AGFG2: variants seen among roughly 807,000 people sequenced by gnomAD.
AGFG2 encodes arf-GAP domain and FG repeat-containing protein 2.
In AGFG2, 31 loss-of-function variants were observed where a neutral mutation model predicts 48.0. The observed-to-expected ratio is 0.65, with a 90% CI of 0.49 to 0.87. The LOEUF is 0.87. Among genes scored for constraint, AGFG2 ranks in the 40% least tolerant of loss-of-function variants. The pLI is 0.00. For synonymous variants in AGFG2, 229 were observed against 260.8 expected (o/e 0.88, Z 1.18); for missense variants, 599 against 632.6 (o/e 0.95, Z 0.57).
chr7:100,548,839 C>T lies in AGFG2; in HGVS notation c.239C>T (p.Pro80Leu), dbSNP rs1359785937. ...CSGLLRGLNP[P>L]HRVKSISMTT... ...TCCCATAGGAGAGGGCTGAACCCCC[C>T]TCATCGTGTCAAGTCAATCTCCATG... The change falls in exon 2 of 12, where the codon CCT becomes CTT. Residue 80 changes from proline (P) to leucine (L), a missense_variant. By Grantham distance (98) the Pro-to-Leu change is moderately conservative. Transcript: ENST00000300176. 6 of 1,613,412 alleles carry T rather than the reference C, an allele frequency of 3.7e-6. No individual in the cohort carries two copies. The highest frequency in any genetic ancestry group is 5.1e-6 in the Non-Finnish European group (6 of 1,179,630).
At chr7:100,553,559 T>C in intron 4 of AGFG2, 59 bp downstream of exon 4, 1 of 1,549,416 alleles carries the variant, frequency 6.5e-7, no homozygotes, top group East Asian at 2.3e-5. Context: ...GGAGTGTCAG[T>C]TTCCTGAATC....
Position 100,564,420 on chromosome 7 carries a change from G to A in AGFG2, c.1386+117G>A, listed in dbSNP as rs558241130. ...GTGCCCCTTCCTCGTGAAGGTCTGC[G>A]TTGTCCAAGCCAGGGCTGAGCTTGG... is the stretch of plus-strand genomic sequence containing the variant. On this transcript the variant is annotated intron_variant, in intron 11 of 11. Coordinates refer to ENST00000300176, the MANE Select transcript of AGFG2 (RefSeq NM_006076.5). The A allele has an allele frequency of 2.2e-4, 239 of 1,095,926 alleles. No individual in the cohort carries two copies. The African/African-American group carries it at 3.2e-3, about 15-fold the overall frequency. 67.9% of individuals were successfully genotyped at this position (1,095,926 alleles called of 1,614,324 possible). A position where few individuals can be genotyped will look rare whatever the true frequency, so the allele number is the denominator to read the frequency against.
rs764745932 is a variant in AGFG2, at chr7:100,562,324, G to A, written c.943G>A (p.Ala315Thr). 5.6e-6 allele frequency: 9 copies of A among 1,613,962 alleles called. No homozygotes were observed. The highest frequency in any genetic ancestry group is 3.3e-5 in the Admixed American group (2 of 59,994). ...LAPASQPNSL[A>T]DVGSFLGPGV... ...ACCCGCCAGTCAGCCAAACAGCCTC[G>A]CAGACGTGGGCAGCTTCCTGGGACC... The change falls in exon 7 of 12, where the codon GCA becomes ACA. Residue 315 changes from alanine to threonine, a missense_variant. By Grantham distance (58) the Ala-to-Thr change is moderately conservative (BLOSUM62 0). Transcript: ENST00000300176. The surrounding 1 kb of genome is among the most constrained non-coding windows in gnomAD (Gnocchi z 5.4).
intron 4 of AGFG2, among the ~76,000 whole-genome samples, chr7:100,553,737 A>G (rs995690121): frequency 3.9e-5 from 6 of 152,208 alleles, no homozygotes; most frequent in Admixed American, 2.6e-4. Context: ...TCCAAACCTG[A>G]GCATTCCATC....
rs1381394314 is a variant in AGFG2 at position 100,551,027 on chromosome 7, AATTTATATATATATATATATAT to A, written c.431+519_431+540del. On this transcript the variant is annotated intron_variant, in intron 3 of 11. Transcript: ENST00000300176. ...CAGGTGTGTGCCACCATGCCTGGCT[AATTTATATATATATATATATAT>A]ATATATATATATATATATTTCTTTT... Among the ~76,000 whole-genome samples the A allele has an allele frequency of 8.7e-5, 4 of 46,060 alleles. No homozygotes were observed. In the Admixed American group the frequency reaches 1.1e-3, roughly 13 times the overall value. 30.2% of individuals were successfully genotyped at this position (46,060 alleles called of 152,430 possible).
At chr7:100,548,067 T>C (rs1800547810) in intron 1 of AGFG2, among the ~76,000 whole-genome samples, 1 of 152,120 alleles carries the variant, frequency 6.6e-6, no homozygotes, top group African/African-American at 2.4e-5. Flanking sequence ...CCCTGGGACC[T>C]TGGGGATGGG....
rs1009441397 is a variant in AGFG2, at chr7:100,539,259, G to A, written c.-88G>A. 3 of 1,232,832 alleles carry A rather than the reference G, an allele frequency of 2.4e-6. No individual in the cohort carries two copies. Among genetic ancestry groups the A allele is most frequent in the Admixed American group, 4.2e-5 (1 of 23,918 alleles). The allele number at this position is 1,232,832 out of a possible 1,614,324, so 76.4% of individuals were successfully genotyped here. ...CCGCTCCCGAGCTTCTGTCAGGGGA[G>A]CCGGGCGTGCGGAGGCGGCTGAGGA... is the stretch of plus-strand genomic sequence containing the variant. On this transcript the variant is annotated 5_prime_UTR_variant, in exon 1 of 12. Coordinates refer to ENST00000300176, the MANE Select transcript of AGFG2 (RefSeq NM_006076.5).
intron 5 of AGFG2, among the ~76,000 whole-genome samples, chr7:100,554,914 G>A (rs1800725572): frequency 6.8e-6 from 1 of 146,770 alleles, no homozygotes; most frequent in African/African-American, 2.6e-5. Flanking sequence ...CTCCAGCCTA[G>A]GTGACAGAGT....
At chr7:100,549,902 G>A (rs1800592977) in intron 2 of AGFG2, among the ~76,000 whole-genome samples, 1 of 152,080 alleles carries the variant, frequency 6.6e-6, no homozygotes. Context: ...GTGTTGCCCA[G>A]ACTGCTCTTG....
chr7:100,548,986 G>C (rs111611146), intron 2 of AGFG2, 71 bp downstream of exon 2: 1 of 1,289,968 alleles, frequency 7.8e-7, no homozygotes, highest in East Asian at 2.3e-5. Flanking sequence ...AAGATTGTAG[G>C]GAAACCTTAC....
At chr7:100,561,233 T>C (rs1031564238) in intron 6 of AGFG2, among the ~76,000 whole-genome samples, 2 of 151,598 alleles carry the variant, frequency 1.3e-5, no homozygotes, top group Non-Finnish European at 2.9e-5. Flanking sequence ...TTCAAGTGAT[T>C]CTCCTGCTTC....
In AGFG2 at chr7:100,555,649, C is replaced by A; in HGVS notation, c.791C>A (p.Ala264Asp). The A allele has an allele frequency of 1.2e-6, 2 of 1,614,052 alleles. No homozygotes were observed. The highest frequency in any genetic ancestry group is 1.7e-6 in the Non-Finnish European group (2 of 1,179,954). Residue 264 changes from alanine to aspartate, a missense_variant, in exon 6 of 12, where the codon GCC becomes GAC. By Grantham distance (126) the Ala-to-Asp change is moderately radical. Coordinates refer to ENST00000300176, the MANE Select transcript of AGFG2 (RefSeq NM_006076.5). ...PSQGGFANFD[A>D]FSSGPSSSVF... ...CAAGGAGGCTTTGCCAACTTTGATG[C>A]CTTTAGCAGTGGCCCCAGCTCTTCT...
rs1801010873 is a variant in AGFG2 at position 100,566,553 on chromosome 7, G to A, written c.*1562G>A. 2 of 152,304 alleles carry A rather than the reference G, an allele frequency of 1.3e-5. No homozygotes were observed. The highest frequency in any genetic ancestry group is 4.1e-4 in the South Asian group (2 of 4,836). 9.4% of individuals were successfully genotyped at this position (152,304 alleles called of 1,614,324 possible). ...TTGGGGTTTGTCTGAGTCTTCCACA[G>A]AGAGCAGCAAAGAGATATGGGAGTT... On this transcript the variant is annotated 3_prime_UTR_variant, in exon 12 of 12. Transcript: ENST00000300176.
At chr7:100,556,660 A>T (rs779119160) in intron 6 of AGFG2, 204 of 1,284,504 alleles carry the variant, frequency 1.6e-4, no homozygotes, top group Admixed American at 5.1e-4. Context: ...AGCCTACCCA[A>T]GTGCCTCTGA....
rs1801003294 is a variant in AGFG2 at position 100,566,101 on chromosome 7, A to G, written c.*1110A>G. ...CTGGGCTGGACTGCCTGGGCCAGTG[A>G]TAATGCTGCCATTGGCCAGAGACAG... On this transcript the variant is annotated 3_prime_UTR_variant, in exon 12 of 12. Transcript: ENST00000300176. The G allele has an allele frequency of 6.6e-6, 1 of 152,430 alleles. No individual in the cohort carries two copies. Among genetic ancestry groups the G allele is most frequent in the Non-Finnish European group, 1.5e-5 (1 of 68,038 alleles). 9.4% of individuals were successfully genotyped at this position (152,430 alleles called of 1,614,324 possible).
At chr7:100,550,743 T>C (rs963176398) in intron 3 of AGFG2, among the ~76,000 whole-genome samples, 14 of 152,122 alleles carry the variant, frequency 9.2e-5, no homozygotes, top group African/African-American at 3.4e-4. Context: ...GTAGACTGAT[T>C]GGAGTCGGGA....
At chr7:100,558,610 C>T (rs1030478963) in intron 6 of AGFG2, among the ~76,000 whole-genome samples, 3 of 150,528 alleles carry the variant, frequency 2.0e-5, no homozygotes, top group East Asian at 2.0e-4. Flanking sequence ...GGCACAATCT[C>T]GGCTCACTGC....
chr7:100,555,938 A>G (rs1295588657), intron 6 of AGFG2: 2 of 621,646 alleles, frequency 3.2e-6, no homozygotes, highest in Non-Finnish European at 5.1e-6. Context: ...TTTTCATGAA[A>G]GGAAAATGAC....
At chr7:100,560,606 A>G (rs73407324) in intron 6 of AGFG2, among the ~76,000 whole-genome samples, 4,335 of 152,206 alleles carry the variant, frequency 0.028, 198 homozygotes, top group African/African-American at 0.097. Flanking sequence ...TCATCTAGAA[A>G]GCCCAGGCAT....
Sources: allele counts gnomAD v4.1 joint callset (sites outside exome capture counted in the v4.1 genomes callset), GRCh38; gene constraint gnomAD v4.1.1; non-coding constraint Gnocchi (gnomAD v3.1); transcripts MANE v1.5; gene names NCBI Gene and HGNC (gene_info 2026-07-23, HGNC 2026-07-21).